Variants in DDAH1 observed in about 807,000 individuals in gnomAD.
DDAH1 encodes the protein dimethylarginine dimethylaminohydrolase 1.
Under a neutral mutation model 28.8 loss-of-function variants are expected in DDAH1, and 19 were observed. That is an observed-to-expected ratio of 0.66 (90% CI 0.46 to 0.97). The LOEUF (loss-of-function observed/expected upper bound fraction) is 0.97. DDAH1 is among the 50% of genes least tolerant of loss of function. The pLI, the probability that DDAH1 is intolerant of heterozygous loss-of-function variation, is 0.00. For synonymous variants in DDAH1, 153 were observed against 154.4 expected, an observed-to-expected ratio of 0.99 and a Z score of 0.07; for missense variants, 326 against 375.9, an observed-to-expected ratio of 0.87 and a Z score of 1.10.
chr1:85,383,020 C>T (rs562436669), intron 1 of DDAH1, among the ~76,000 whole-genome samples: 1 of 152,198 alleles, frequency 6.6e-6, no homozygotes. Context: ...TTTTTTTACA[C>T]CTGCTGACAC....
chr1:85,451,070 T>C (rs1654651547), intron 1 of DDAH1, among the ~76,000 whole-genome samples: 1 of 152,204 alleles, frequency 6.6e-6, no homozygotes, highest in Non-Finnish European at 1.5e-5. Context: ...GCTGGGTGAC[T>C]GGCCCGGCTG....
At chr1:85,500,209 TTCC>T (rs1317952752) in intron 1 of DDAH1, among the ~76,000 whole-genome samples, 1 of 151,004 alleles carries the variant, frequency 6.6e-6, no homozygotes, top group African/African-American at 2.4e-5. Context: ...CCTTTCTTCC[TTCC>T]TTCCTTTCTT....
At chr1:85,377,948 G>A (rs1197069131) in intron 1 of DDAH1, among the ~76,000 whole-genome samples, 3 of 152,190 alleles carry the variant, frequency 2.0e-5, no homozygotes, top group Middle Eastern at 3.4e-3. Flanking sequence ...TATATATAAC[G>A]TGAGCATAAA....
chr1:85,576,082 T>TA, intron 1 of DDAH1, among the ~76,000 whole-genome samples: 1 of 122,484 alleles, frequency 8.2e-6, no homozygotes, highest in East Asian at 2.3e-4. Context: ...AAATAAAATT[T>TA]AAAAAAAAAG....
intron 1 of DDAH1, among the ~76,000 whole-genome samples, chr1:85,407,970 G>A (rs1652484697): frequency 6.6e-6 from 1 of 152,186 alleles, no homozygotes; most frequent in Admixed American, 6.6e-5. Flanking sequence ...GACCACGCAT[G>A]TGGAATTTTA....
upstream of DDAH1, among the ~76,000 whole-genome samples, chr1:85,469,788 A>C (rs1319812212): frequency 6.6e-6 from 1 of 152,190 alleles, no homozygotes; most frequent in East Asian, 1.9e-4. Context: ...TTGTGCTAGG[A>C]AATGGGGATG....
intron 1 of DDAH1, among the ~76,000 whole-genome samples, chr1:85,404,134 T>C (rs1321922733): frequency 6.6e-6 from 1 of 152,228 alleles, no homozygotes; most frequent in Non-Finnish European, 1.5e-5. Context: ...AAAAGGCTTA[T>C]GGAATTTTTC....
At chr1:85,403,343 A>G (rs1652247397) in intron 1 of DDAH1, among the ~76,000 whole-genome samples, 1 of 152,118 alleles carries the variant, frequency 6.6e-6, no homozygotes, top group South Asian at 2.1e-4. Flanking sequence ...CAAAGAAAAA[A>G]AAATCTGAAA....
At chr1:85,527,603 T>C (rs1373295694) in intron 1 of DDAH1, among the ~76,000 whole-genome samples, 2 of 152,230 alleles carry the variant, frequency 1.3e-5, no homozygotes, top group Non-Finnish European at 2.9e-5. Context: ...TTCTGGATTC[T>C]GTGCATCACA....
chr1:85,497,902 C>A (rs1183494274), intron 1 of DDAH1, among the ~76,000 whole-genome samples: 2 of 152,138 alleles, frequency 1.3e-5, no homozygotes, highest in Non-Finnish European at 2.9e-5. Context: ...TAGAGTCATC[C>A]CTTACTACTT....
intron 1 of DDAH1, among the ~76,000 whole-genome samples, chr1:85,444,599 G>A (rs1654350540): frequency 6.6e-6 from 1 of 152,150 alleles, no homozygotes; most frequent in Non-Finnish European, 1.5e-5. Flanking sequence ...GGCCCCACAG[G>A]GTAGGTCCTG....
intron 1 of DDAH1, among the ~76,000 whole-genome samples, chr1:85,381,213 G>A (rs1650967372): frequency 1.4e-5 from 2 of 140,542 alleles, no homozygotes; most frequent in Non-Finnish European, 3.1e-5. Flanking sequence ...TGTGTGACAA[G>A]AGCAAAACTC....
chr1:85,562,461 G>A (rs1235504659), intron 1 of DDAH1, among the ~76,000 whole-genome samples: 1 of 152,182 alleles, frequency 6.6e-6, no homozygotes, highest in African/African-American at 2.4e-5. Flanking sequence ...AAATCCTAAG[G>A]CCTAGTACCT....
chr1:85,327,622 A>G (rs1647490907), intron 4 of DDAH1, among the ~76,000 whole-genome samples: 1 of 152,216 alleles, frequency 6.6e-6, no homozygotes, highest in South Asian at 2.1e-4. Context: ...CTTCAGAGTC[A>G]GAAAGGTCTG....
intron 2 of DDAH1, among the ~76,000 whole-genome samples, chr1:85,479,551 C>T (rs748718115): frequency 3.6e-4 from 55 of 152,210 alleles, no homozygotes; most frequent in Non-Finnish European, 6.5e-4. Context: ...AATATTACCA[C>T]AATCGGGGTT....
At chr1:85,532,364 T>TA (rs1199551545) in intron 1 of DDAH1, among the ~76,000 whole-genome samples, 2 of 151,136 alleles carry the variant, frequency 1.3e-5, no homozygotes, top group Admixed American at 1.3e-4. Context: ...TTTCAGTAAC[T>TA]AAAAAACCTA....
intron 1 of DDAH1, among the ~76,000 whole-genome samples, chr1:85,504,609 C>T (rs1346729599): frequency 6.6e-6 from 1 of 152,168 alleles, no homozygotes; most frequent in Non-Finnish European, 1.5e-5. Context: ...TCTAAGTGCT[C>T]ATGCTCTAAA....
At chr1:85,527,569 A>G (rs1279174528) in intron 1 of DDAH1, among the ~76,000 whole-genome samples, 2 of 152,194 alleles carry the variant, frequency 1.3e-5, no homozygotes, top group Admixed American at 1.3e-4. Flanking sequence ...CTTTGCAACT[A>G]TTAGATGCAG....
In DDAH1 at chr1:85,515,795, A is replaced by T. The variant is rs567502198; in HGVS notation, c.-122-19514T>A. 1.7e-3 allele frequency among the ~76,000 whole-genome samples: 257 copies of T among 151,480 alleles called. 1 individual carries two copies. Among genetic ancestry groups the T allele is most frequent in the African/African-American group, 6.0e-3 (248 of 41,152 alleles). On this transcript the variant is annotated intron_variant, in intron 1 of 6. Transcript: ENST00000426972. ...ACTTCTGAAAAAAAAAGAGAAACTT[A>T]AAAAAAAAACCTGGATTTAAAACAT...
Sources: gnomAD v4.1 joint callset for allele counts (sites outside exome capture counted in the v4.1 genomes callset) on GRCh38, gnomAD v4.1.1 for gene constraint, MANE v1.5 for transcripts, NCBI Gene and HGNC (gene_info 2026-07-23, HGNC 2026-07-21) for gene names.